SENP1: variants seen among roughly 807,000 people sequenced by gnomAD.
The protein encoded by SENP1 is sentrin-specific protease 1.
Under a neutral mutation model 93.0 loss-of-function variants are expected in SENP1, and 21 were observed. That is an observed-to-expected ratio of 0.23 (90% CI 0.16 to 0.33). The LOEUF (loss-of-function observed/expected upper bound fraction) is 0.33. Among genes scored for constraint, SENP1 ranks in the 10% least tolerant of loss-of-function variants. SENP1 has a pLI of 1.00. For synonymous variants in SENP1, 256 were observed against 259.6 expected (o/e 0.99, Z 0.13); for missense variants, 591 against 758.7 (o/e 0.78, Z 2.60).
intron 2 of SENP1, 80 bp from the exon 3 acceptor site, chr12:48,098,204 T>C: frequency 1.4e-6 from 2 of 1,400,576 alleles, no homozygotes; most frequent in Non-Finnish European, 1.9e-6. Flanking sequence ...TTTCACCTAA[T>C]AAAAACAATT....
At chr12:48,065,533 C>T (rs1943241710) in intron 11 of SENP1, 63 bp downstream of exon 11, 9 of 1,151,682 alleles carry the variant, frequency 7.8e-6, no homozygotes, top group South Asian at 2.8e-5. Flanking sequence ...GGGTAACTTT[C>T]CAAAATAGTT....
chr12:48,104,271 GGGC>G (rs1168587580), intron 1 of SENP1, among the ~76,000 whole-genome samples: 59 of 59,782 alleles, frequency 9.9e-4, no homozygotes, highest in African/African-American at 1.5e-3. Flanking sequence ...GGGGGGGGGG[GGGC>G]GGAGGGAGGG....
intron 13 of SENP1, among the ~76,000 whole-genome samples, chr12:48,062,479 T>C (rs1428721442): frequency 6.6e-6 from 1 of 152,234 alleles, no homozygotes; most frequent in Non-Finnish European, 1.5e-5. Flanking sequence ...CAGGGAGTGA[T>C]GAGCTTCTGA....
chr12:48,084,351 T>C (rs1349928448), intron 5 of SENP1, among the ~76,000 whole-genome samples: 3 of 152,176 alleles, frequency 2.0e-5, no homozygotes, highest in African/African-American at 7.2e-5. Flanking sequence ...ATTTTTTGTC[T>C]CTTTATACTA....
At chr12:48,053,951 C>T (rs1183050350) in intron 13 of SENP1, among the ~76,000 whole-genome samples, 2 of 152,082 alleles carry the variant, frequency 1.3e-5, no homozygotes, top group African/African-American at 2.4e-5. Context: ...AAAAAAGAGA[C>T]ATGTCAGCTT....
chr12:48,068,924 G>A (rs141832892), intron 9 of SENP1, among the ~76,000 whole-genome samples: 1,787 of 152,036 alleles, frequency 0.012, 42 homozygotes, highest in African/African-American at 0.04. Context: ...AGGCTGAGGT[G>A]GGTGGAACAC....
chr12:48,082,846 T>A (rs1368907539), intron 6 of SENP1, among the ~76,000 whole-genome samples: 1 of 152,206 alleles, frequency 6.6e-6, no homozygotes, highest in African/African-American at 2.4e-5. Context: ...CTTTTTGATT[T>A]TTCTCTTATA....
chr12:48,069,121 C>G (rs1039416258), intron 9 of SENP1, among the ~76,000 whole-genome samples: 1 of 127,968 alleles, frequency 7.8e-6, no homozygotes, highest in African/African-American at 2.9e-5. Context: ...CCACTGCACT[C>G]CAGCCTGGAT....
chr12:48,065,213 T>C lies in SENP1; in HGVS notation c.1127A>G (p.Gln376Arg), dbSNP rs965796661. Residue 376 changes from glutamine to arginine, a missense_variant, in exon 12 of 18, where the codon CAG becomes CGG. Gln to Arg is a conservative substitution (Grantham distance 43). Transcript: ENST00000549518. ...LALQLQNQRL[Q>R]EREHSVHDSV... Reference sequence around the variant, plus strand: ...ATCATGTACTGAATGTTCCCGCTCCTGCAATCTCTGAAAGATAAAACTTCA... The same window carrying C: ...ATCATGTACTGAATGTTCCCGCTCCCGCAATCTCTGAAAGATAAAACTTCA... 1.3e-6 allele frequency: 2 copies of C among 1,591,500 alleles called. No individual in the cohort carries two copies. Among genetic ancestry groups the C allele is most frequent in the Non-Finnish European group, 1.7e-6 (2 of 1,167,614 alleles).
chr12:48,069,895 G>A (rs1943564273), intron 9 of SENP1, among the ~76,000 whole-genome samples: 1 of 152,108 alleles, frequency 6.6e-6, no homozygotes. Flanking sequence ...AAAGAAGTAG[G>A]GGAACTGAGA....
At chr12:48,074,113 C>T (rs1226058787) in intron 8 of SENP1, among the ~76,000 whole-genome samples, 1 of 152,186 alleles carries the variant, frequency 6.6e-6, no homozygotes. Context: ...CAAATCCAAA[C>T]ATCCAAAATC....
chr12:48,046,607 C>T (rs1383055552), intron 16 of SENP1, among the ~76,000 whole-genome samples, 156 bp from the exon 17 acceptor site: 1 of 152,034 alleles, frequency 6.6e-6, no homozygotes, highest in Non-Finnish European at 1.5e-5. Flanking sequence ...CTCAAAGAAA[C>T]AAAATACAAC....
intron 13 of SENP1, among the ~76,000 whole-genome samples, chr12:48,059,677 T>G (rs1257575189): frequency 1.3e-5 from 2 of 152,196 alleles, no homozygotes; most frequent in African/African-American, 2.4e-5. Flanking sequence ...CTGGGCCTTG[T>G]TGTTGATGGA....
At chr12:48,094,914 C>A (rs996406916) in intron 4 of SENP1, among the ~76,000 whole-genome samples, 6 of 152,080 alleles carry the variant, frequency 3.9e-5, no homozygotes, top group South Asian at 2.1e-4. Context: ...TTCAACTGTT[C>A]CTCCACCATT....
Position 48,101,532 on chromosome 12 carries a change from C to G in SENP1, c.-44-16G>C. 1 of 1,432,786 alleles carries G rather than the reference C, an allele frequency of 7.0e-7. No individual in the cohort carries two copies. Among genetic ancestry groups the G allele is most frequent in the South Asian group, 1.2e-5 (1 of 81,860 alleles). 88.8% of individuals were successfully genotyped at this position (1,432,786 alleles called of 1,614,324 possible). A position where few individuals can be genotyped will look rare whatever the true frequency, so the allele number is the denominator to read the frequency against. On this transcript the variant is annotated splice_polypyrimidine_tract_variant and intron_variant, in intron 1 of 17. Coordinates refer to ENST00000549518, the MANE Select transcript of SENP1 (RefSeq NM_001267594.2). ...ATACAAAGTCCTATAAAAGAAGACACAAAACAGAAAAATTACATACTGAAA... is the reference window on the plus strand; with the variant it reads ...ATACAAAGTCCTATAAAAGAAGACAGAAAACAGAAAAATTACATACTGAAA...
At chr12:48,089,512 C>T (rs982901751) in intron 4 of SENP1, among the ~76,000 whole-genome samples, 1 of 152,226 alleles carries the variant, frequency 6.6e-6, no homozygotes, top group Admixed American at 6.5e-5. Flanking sequence ...TCATATATAT[C>T]TGGTTCTGGT....
At chr12:48,093,044 C>T (rs1320092002) in intron 4 of SENP1, among the ~76,000 whole-genome samples, 1 of 152,162 alleles carries the variant, frequency 6.6e-6, no homozygotes. Context: ...TATCCCAAAT[C>T]AAATGCTTGA....
intron 5 of SENP1, among the ~76,000 whole-genome samples, chr12:48,083,981 C>G (rs1239314821): frequency 6.6e-6 from 1 of 152,148 alleles, no homozygotes; most frequent in Non-Finnish European, 1.5e-5. Context: ...TCAAAATTAT[C>G]AAACACTTAA....
At position 48,084,028 on chromosome 12, in the gene SENP1, T is replaced by C. The variant is rs1944662685; in HGVS notation, c.381-266A>G. Among the ~76,000 whole-genome samples, 3 of 152,240 alleles carry C rather than the reference T, an allele frequency of 2.0e-5. No individual in the cohort carries two copies. In the South Asian group the frequency reaches 6.2e-4, roughly 31 times the overall value. On this transcript the variant is annotated intron_variant, in intron 5 of 17. Coordinates refer to ENST00000549518, the MANE Select transcript of SENP1 (RefSeq NM_001267594.2). ...TAGATCCACAATCTAGAATTTATTT[T>C]GGTCAGAAACCATATAGTTTTGTGG...
Sources: allele counts gnomAD v4.1 joint callset (sites outside exome capture counted in the v4.1 genomes callset), GRCh38; gene constraint gnomAD v4.1.1; transcripts MANE v1.5; gene names NCBI Gene and HGNC (gene_info 2026-07-23, HGNC 2026-07-21).